SGMS1: variants seen among roughly 807,000 people sequenced by gnomAD.
SGMS1 encodes the protein phosphatidylcholine:ceramide cholinephosphotransferase 1.
In SGMS1, 13 loss-of-function variants were observed where a neutral mutation model predicts 46.2. The observed-to-expected ratio is 0.28, with a 90% CI of 0.18 to 0.45. The LOEUF is 0.45. Ranked by LOEUF, SGMS1 falls within the 20% of genes least tolerant of loss-of-function variation. SGMS1 has a pLI of 1.00. For synonymous variants in SGMS1, 203 were observed against 187.8 expected, an observed-to-expected ratio of 1.08 and a Z score of -0.66; for missense variants, 324 against 519.9, an observed-to-expected ratio of 0.62 and a Z score of 3.66.
rs867081736 is a variant in SGMS1, at chr10:50,516,570, T to A, written c.-498+3261A>T. Reference sequence around the variant, plus strand: ...AGTTTCCAAGGGAGTAAATATTCAATAGATTAACTACAAAAAGAACCCCGG... The same window carrying A: ...AGTTTCCAAGGGAGTAAATATTCAAAAGATTAACTACAAAAAGAACCCCGG... On this transcript the variant is annotated intron_variant, in intron 3 of 10. Transcript: ENST00000361781. Among the ~76,000 whole-genome samples, 5 of 152,186 alleles carry A rather than the reference T, an allele frequency of 3.3e-5. No homozygotes were observed. The East Asian group carries it at 7.7e-4, about 23-fold the overall frequency.
intron 5 of SGMS1, among the ~76,000 whole-genome samples, chr10:50,452,495 T>C (rs369966676): frequency 5.9e-5 from 9 of 152,146 alleles, no homozygotes; most frequent in African/African-American, 2.2e-4. Flanking sequence ...TCTCTCTTAA[T>C]GAAAATAATT....
Position 50,307,965 on chromosome 10 carries a change from A to C in SGMS1, c.1062+17T>G, listed in dbSNP as rs1302090995. ...CCAGAAACAACAGAAGCTAAAATCA[A>C]AAGCGGGGAAACTCACTTGCTGATT... On this transcript the variant is annotated intron_variant, in intron 10 of 10. Transcript: ENST00000361781. The surrounding 1 kb of genome is among the most constrained non-coding windows in gnomAD (Gnocchi z 4.2). 13 of 1,613,024 alleles carry C rather than the reference A, an allele frequency of 8.1e-6. No homozygotes were observed. The highest frequency in any genetic ancestry group is 1.1e-5 in the Non-Finnish European group (13 of 1,179,756).
Position 50,495,646 on chromosome 10 carries a change from G to A in SGMS1, c.-498+24185C>T, listed in dbSNP as rs188007756. 2.6e-5 allele frequency among the ~76,000 whole-genome samples: 4 copies of A among 152,076 alleles called. No homozygotes were observed. The East Asian group carries it at 7.7e-4, about 29-fold the overall frequency. ...TCAATATTATTTATAAAAGCTCTAA[G>A]GTTTAAGTAGGGGGCTGGCTAAAAA... On this transcript the variant is annotated intron_variant, in intron 3 of 10. Coordinates refer to ENST00000361781, the MANE Select transcript of SGMS1 (RefSeq NM_147156.4).
At chr10:50,575,685 AATAC>A (rs2131866485) in intron 2 of SGMS1, among the ~76,000 whole-genome samples, 1 of 96,580 alleles carries the variant, frequency 1.0e-5, no homozygotes, top group African/African-American at 2.9e-5. Flanking sequence ...TGGTGGTGGT[AATAC>A]AATACAAGTG....
chr10:50,571,972 C>T, intron 2 of SGMS1, among the ~76,000 whole-genome samples: 1 of 152,138 alleles, frequency 6.6e-6, no homozygotes, highest in Admixed American at 6.6e-5. Flanking sequence ...AAAGAAGGTT[C>T]TAATGACAAC....
rs539829935 is a variant in SGMS1 at position 50,408,447 on chromosome 10, A to C, written c.-232+25029T>G. The stretch of plus-strand genomic sequence containing the variant: ...CTCATCTCTTAAAAAAAAAAAAAAA[A>C]AAAAAAAACAAAATAAAAACTTTTT... On this transcript the variant is annotated intron_variant, in intron 6 of 10. Transcript: ENST00000361781. Among the ~76,000 whole-genome samples the C allele has an allele frequency of 2.9e-3, 434 of 148,740 alleles. 1 individual carries two copies. The highest frequency in any genetic ancestry group is 3.8e-3 in the Non-Finnish European group (257 of 67,822).
At chr10:50,604,729 AAG>A (rs1157310820) in intron 1 of SGMS1, among the ~76,000 whole-genome samples, 2 of 152,210 alleles carry the variant, frequency 1.3e-5, no homozygotes, top group Non-Finnish European at 2.9e-5. Context: ...AGGACTTAAA[AAG>A]TCCTCGATTG....
chr10:50,526,580 A>AG (rs1837903307), intron 2 of SGMS1, among the ~76,000 whole-genome samples: 1 of 152,204 alleles, frequency 6.6e-6, no homozygotes, highest in Admixed American at 6.5e-5. Flanking sequence ...GGTTTGAGAA[A>AG]GGATTCAGTT....
chr10:50,356,673 G>C (rs1352561943), intron 6 of SGMS1, among the ~76,000 whole-genome samples: 1 of 151,168 alleles, frequency 6.6e-6, no homozygotes, highest in Admixed American at 6.6e-5. Context: ...AATGAATATA[G>C]ATTTTAAAAC....
At chr10:50,542,857 C>CAAAAAAAAAA (rs752420440) in intron 2 of SGMS1, among the ~76,000 whole-genome samples, 1 of 78,400 alleles carries the variant, frequency 1.3e-5, no homozygotes, top group African/African-American at 4.9e-5. Context: ...ATGCCAAGTG[C>CAAAAAAAAAA]AAAAAAAAAA....
chr10:50,307,565 C>T lies in SGMS1; in HGVS notation c.1063-244G>A, dbSNP rs1847196130. On this transcript the variant is annotated intron_variant, in intron 10 of 10. Coordinates refer to ENST00000361781, the MANE Select transcript of SGMS1 (RefSeq NM_147156.4). The surrounding 1 kb of genome is among the most constrained non-coding windows in gnomAD (Gnocchi z 4.2). ...GAACTTATGGCTCACTCATCTCTTGCTTATAAATAAACACCTCAGTTAGCT... is the reference window on the plus strand; with the variant it reads ...GAACTTATGGCTCACTCATCTCTTGTTTATAAATAAACACCTCAGTTAGCT... 2.0e-5 allele frequency among the ~76,000 whole-genome samples: 3 copies of T among 152,252 alleles called. No homozygotes were observed. The South Asian group carries it at 6.2e-4, about 32-fold the overall frequency.
At chr10:50,433,890 C>G (rs12257419) in intron 5 of SGMS1, among the ~76,000 whole-genome samples, 1 of 151,990 alleles carries the variant, frequency 6.6e-6, no homozygotes, top group African/African-American at 2.4e-5. Flanking sequence ...CATCTCTCCT[C>G]CCTAACCCCT....
intron 5 of SGMS1, among the ~76,000 whole-genome samples, chr10:50,445,650 A>G (rs1280259396): frequency 6.6e-6 from 1 of 152,202 alleles, no homozygotes; most frequent in East Asian, 1.9e-4. Flanking sequence ...TAATCCCGTC[A>G]TCTTCGTAAA....
chr10:50,564,832 AC>A (rs549083322), intron 2 of SGMS1, among the ~76,000 whole-genome samples: 145 of 151,722 alleles, frequency 9.6e-4, no homozygotes, highest in African/African-American at 3.3e-3. Flanking sequence ...GTTTTAGGGT[AC>A]ATGTGCACAT....
At chr10:50,438,519 A>G (rs1849502596) in intron 5 of SGMS1, among the ~76,000 whole-genome samples, 1 of 152,230 alleles carries the variant, frequency 6.6e-6, no homozygotes, top group Admixed American at 6.5e-5. Context: ...GACAGCAGCC[A>G]TAGCTGATGC....
intron 6 of SGMS1, among the ~76,000 whole-genome samples, chr10:50,389,102 TTAAA>T (rs151156820): frequency 0.015 from 2,249 of 152,330 alleles, 56 homozygotes; most frequent in African/African-American, 0.051. Context: ...GTCATATACC[TTAAA>T]TATATACAAT....
intron 1 of SGMS1, among the ~76,000 whole-genome samples, chr10:50,619,038 TAGGA>T (rs1838823327): frequency 6.6e-6 from 1 of 151,662 alleles, no homozygotes; most frequent in Admixed American, 6.6e-5. Flanking sequence ...GAGGCTGAGG[TAGGA>T]GAGTCTCTTG....
At chr10:50,343,245 A>T (rs762376509) in intron 7 of SGMS1, 10 of 379,456 alleles carry the variant, frequency 2.6e-5, no homozygotes, top group Non-Finnish European at 4.7e-5. Flanking sequence ...AAGTGAAAAC[A>T]GAGCATCATC....
At chr10:50,351,508 G>A (rs1431642013) in intron 6 of SGMS1, among the ~76,000 whole-genome samples, 2 of 152,178 alleles carry the variant, frequency 1.3e-5, no homozygotes, top group African/African-American at 4.8e-5. Flanking sequence ...ATTTTGAATT[G>A]AATTCCCATA....
Sources: gnomAD v4.1 joint callset for allele counts (sites outside exome capture counted in the v4.1 genomes callset) on GRCh38, gnomAD v4.1.1 for gene constraint, Gnocchi (gnomAD v3.1) non-coding constraint, MANE v1.5 for transcripts, NCBI Gene and HGNC (gene_info 2026-07-23, HGNC 2026-07-21) for gene names.